Variants in ENPP6 observed in about 807,000 individuals in gnomAD.
The protein encoded by ENPP6 is glycerophosphocholine cholinephosphodiesterase ENPP6.
In ENPP6, 32 loss-of-function variants were observed where a neutral mutation model predicts 42.0. The observed-to-expected ratio is 0.76, with a 90% confidence interval of 0.58 to 1.02. The LOEUF (loss-of-function observed/expected upper bound fraction) is 1.02. ENPP6 is among the 50% of genes least tolerant of loss of function. ENPP6 has a pLI of 0.00. For missense variants in ENPP6, 552 were observed against 566.8 expected (o/e 0.97, Z 0.27); for synonymous variants, 213 against 216.0 (o/e 0.99, Z 0.12).
chr4:184,158,650 A>G (rs953119877), intron 1 of ENPP6, among the ~76,000 whole-genome samples: 14 of 152,222 alleles, frequency 9.2e-5, no homozygotes, highest in African/African-American at 3.4e-4. Context: ...ATAACAAAAT[A>G]TGAGTGAACA....
At chr4:184,107,288 G>T (rs1294587063) in intron 6 of ENPP6, among the ~76,000 whole-genome samples, 1 of 152,240 alleles carries the variant, frequency 6.6e-6, no homozygotes, top group African/African-American at 2.4e-5. Context: ...CTTGGCTGGG[G>T]TGACGGGCTC....
intron 1 of ENPP6, among the ~76,000 whole-genome samples, chr4:184,187,026 C>T (rs1316999784): frequency 6.6e-6 from 1 of 152,132 alleles, no homozygotes; most frequent in Non-Finnish European, 1.5e-5. Context: ...CAAGGTTAAA[C>T]ATAAGAGAAA....
intron 1 of ENPP6, among the ~76,000 whole-genome samples, chr4:184,175,727 T>C (rs949584428): frequency 7.9e-5 from 12 of 152,128 alleles, no homozygotes; most frequent in African/African-American, 2.9e-4. Flanking sequence ...CCAAGCGTGT[T>C]CTTTATTCTA....
intron 1 of ENPP6, among the ~76,000 whole-genome samples, chr4:184,182,289 T>A (rs901125647): frequency 2.0e-5 from 3 of 151,766 alleles, no homozygotes; most frequent in African/African-American, 7.3e-5. Context: ...ATTAGAGAAA[T>A]GCAAATCAAA....
At chr4:184,186,106 T>C (rs560333444) in intron 1 of ENPP6, among the ~76,000 whole-genome samples, 5 of 152,328 alleles carry the variant, frequency 3.3e-5, no homozygotes, top group African/African-American at 1.2e-4. Flanking sequence ...ACCTTAACAA[T>C]TTGAGAAACT....
chr4:184,097,294 G>C lies in ENPP6; in HGVS notation c.1068C>G (p.Tyr356Ter), dbSNP rs145229331. The C allele has an allele frequency of 3.1e-6, 5 of 1,614,062 alleles. No individual in the cohort carries two copies. In the African/African-American group the frequency reaches 5.3e-5, roughly 17 times the overall value. The change falls in exon 7 of 8, where the codon TAC becomes TAG. Residue 356 changes from tyrosine (Y) to a stop codon, truncating the protein, a stop_gained. Transcript: ENST00000296741. LOFTEE classifies it high-confidence loss of function. ...CCCGCATGTCCATGAGCTCGTTGTC[G>C]TAGCCGTGCCATCCACGCTGCCAAC... Reference protein sequence around the residue: ...REGWQRGWHGYDNELMDMRGI... With the variant: ...REGWQRGWHG
At chr4:184,169,018 CCCT>C (rs1264297007) in intron 1 of ENPP6, among the ~76,000 whole-genome samples, 1 of 152,042 alleles carries the variant, frequency 6.6e-6, no homozygotes, top group Non-Finnish European at 1.5e-5. Context: ...CCCTTTCTTT[CCCT>C]CCTTCTCTTA....
chr4:184,208,590 C>A (rs1342047966), intron 1 of ENPP6, among the ~76,000 whole-genome samples: 2 of 151,684 alleles, frequency 1.3e-5, no homozygotes, highest in African/African-American at 4.8e-5. Context: ...GAGGGTCCTA[C>A]GCCCACGGAG....
At chr4:184,145,950 A>T (rs1475350241) in intron 2 of ENPP6, among the ~76,000 whole-genome samples, 1 of 152,084 alleles carries the variant, frequency 6.6e-6, no homozygotes, top group African/African-American at 2.4e-5. Context: ...TGGTTAGCAC[A>T]CCAGTTTGGT....
chr4:184,115,578 G>A (rs956460863), intron 5 of ENPP6, among the ~76,000 whole-genome samples: 3 of 152,124 alleles, frequency 2.0e-5, no homozygotes, highest in South Asian at 2.1e-4. Flanking sequence ...CATGGTCACC[G>A]ACACATACAT....
chr4:184,186,972 C>T (rs1382809041), intron 1 of ENPP6, among the ~76,000 whole-genome samples: 1 of 152,200 alleles, frequency 6.6e-6, no homozygotes, highest in Non-Finnish European at 1.5e-5. Context: ...GGACCTGCCG[C>T]GGCCTCTTGT....
chr4:184,174,451 A>G (rs1178197097), intron 1 of ENPP6, among the ~76,000 whole-genome samples: 3 of 152,196 alleles, frequency 2.0e-5, no homozygotes, highest in Non-Finnish European at 2.9e-5. Context: ...ATCACCTGCA[A>G]CATATGTAAC....
chr4:184,123,129 A>G (rs1338559941), intron 3 of ENPP6, among the ~76,000 whole-genome samples: 1 of 152,208 alleles, frequency 6.6e-6, no homozygotes, highest in Non-Finnish European at 1.5e-5. Context: ...TCTAAGAAGC[A>G]GTGAAGGCAG....
intron 2 of ENPP6, among the ~76,000 whole-genome samples, chr4:184,132,168 G>T (rs1037220922): frequency 1.3e-5 from 2 of 152,086 alleles, no homozygotes; most frequent in African/African-American, 4.8e-5. Context: ...AATCTCAACT[G>T]GAAACCCCCA....
intron 1 of ENPP6, among the ~76,000 whole-genome samples, chr4:184,209,683 C>G (rs937320808): frequency 6.7e-6 from 1 of 149,298 alleles, no homozygotes; most frequent in African/African-American, 2.5e-5. Context: ...TCCAGGAGAA[C>G]TTCCCCAATC....
At chr4:184,171,691 C>T (rs1327619814) in intron 1 of ENPP6, among the ~76,000 whole-genome samples, 1 of 152,176 alleles carries the variant, frequency 6.6e-6, no homozygotes, top group Non-Finnish European at 1.5e-5. Flanking sequence ...TAGTTTAGCT[C>T]CACTTCTTGC....
intron 1 of ENPP6, among the ~76,000 whole-genome samples, chr4:184,181,009 G>T (rs1047224599): frequency 2.0e-5 from 3 of 152,108 alleles, no homozygotes; most frequent in African/African-American, 7.2e-5. Flanking sequence ...GTTCTGGCCT[G>T]GGCAATCAGG....
chr4:184,115,831 G>A (rs1173646940), intron 5 of ENPP6, among the ~76,000 whole-genome samples: 1 of 152,188 alleles, frequency 6.6e-6, no homozygotes, highest in Non-Finnish European at 1.5e-5. Flanking sequence ...GATCAGCCTG[G>A]CAGAAGCCTC....
Position 184,137,145 on chromosome 4 carries a change from G to T in ENPP6, c.422-12873C>A, listed in dbSNP as rs567144568. On this transcript the variant is annotated intron_variant, in intron 2 of 7. Coordinates refer to ENST00000296741, the MANE Select transcript of ENPP6 (RefSeq NM_153343.4). ...GGAGTCTCGCTCTGTCACCCAGGCT[G>T]GAGTGCAGTGGCGCAATCTCAGCTC... Among the ~76,000 whole-genome samples the T allele has an allele frequency of 1.4e-3, 214 of 152,308 alleles. 1 individual carries two copies. Among genetic ancestry groups the T allele is most frequent in the African/African-American group, 4.6e-3 (193 of 41,556 alleles).
Sources: allele counts gnomAD v4.1 joint callset (sites outside exome capture counted in the v4.1 genomes callset), GRCh38; gene constraint gnomAD v4.1.1; transcripts MANE v1.5; gene names NCBI Gene and HGNC (gene_info 2026-07-23, HGNC 2026-07-21).